Variants in EMB observed in about 807,000 individuals in gnomAD.
The protein encoded by EMB is embigin, also known as embigin homolog.
In EMB, 31 loss-of-function variants were observed where a neutral mutation model predicts 41.4. The observed-to-expected ratio is 0.75, with a 90% CI of 0.56 to 1.01. EMB has a LOEUF of 1.01. Among genes scored for constraint, EMB ranks in the 50% least tolerant of loss-of-function variants. EMB has a pLI of 0.00. For synonymous variants in EMB, 137 were observed against 140.4 expected (o/e 0.98, Z 0.17); for missense variants, 379 against 388.3 (o/e 0.98, Z 0.20).
chr5:50,435,842 ATAT>A (rs1472489730), intron 1 of EMB, among the ~76,000 whole-genome samples: 1 of 152,010 alleles, frequency 6.6e-6, no homozygotes, highest in Non-Finnish European at 1.5e-5. Context: ...CAATCCACTA[ATAT>A]TATTATTTAT....
intron 1 of EMB, among the ~76,000 whole-genome samples, chr5:50,430,583 G>A (rs1745704016): frequency 8.0e-6 from 1 of 125,100 alleles, no homozygotes; most frequent in South Asian, 2.6e-4. Flanking sequence ...CATAATAGTA[G>A]GGGTTTGGGT....
chr5:50,405,539 A>T (rs537090389), intron 5 of EMB, among the ~76,000 whole-genome samples, 186 bp downstream of exon 5: 12 of 152,122 alleles, frequency 7.9e-5, no homozygotes, highest in Non-Finnish European at 1.6e-4. Flanking sequence ...TATAACGTAA[A>T]CATGCCAAAA....
At chr5:50,416,498 C>T (rs1745433864) in intron 2 of EMB, among the ~76,000 whole-genome samples, 1 of 152,114 alleles carries the variant, frequency 6.6e-6, no homozygotes, top group African/African-American at 2.4e-5. Flanking sequence ...TAAAAGTCTG[C>T]TTTGTTCTTT....
chr5:50,411,120 A>G (rs535194795), intron 3 of EMB, 77 bp downstream of exon 3: 22 of 1,338,224 alleles, frequency 1.6e-5, no homozygotes, highest in Non-Finnish European at 2.2e-5. Context: ...TGCAGAGGAA[A>G]GAATGCTCAG....
chr5:50,430,956 G>A (rs1258361221), intron 1 of EMB, among the ~76,000 whole-genome samples: 1 of 152,160 alleles, frequency 6.6e-6, no homozygotes, highest in Non-Finnish European at 1.5e-5. Context: ...TTGAAGGATA[G>A]GAAAGGAAGG....
intron 1 of EMB, among the ~76,000 whole-genome samples, chr5:50,437,271 A>AAAAATT (rs1745819686): frequency 6.6e-6 from 1 of 152,174 alleles, no homozygotes; most frequent in African/African-American, 2.4e-5. Flanking sequence ...ACCCTGTCTC[A>AAAAATT]AAAATTAAAT....
At chr5:50,414,328 C>G (rs1465306441) in intron 2 of EMB, among the ~76,000 whole-genome samples, 1 of 151,540 alleles carries the variant, frequency 6.6e-6, no homozygotes, top group Admixed American at 6.6e-5. Context: ...CATTCCAGAC[C>G]AGCCTGGCCA....
At chr5:50,424,682 T>C (rs1021754596) in intron 2 of EMB, among the ~76,000 whole-genome samples, 15 of 152,142 alleles carry the variant, frequency 9.9e-5, no homozygotes, top group Admixed American at 3.9e-4. Context: ...GGGGAAAATT[T>C]TGTACCCCAG....
chr5:50,425,954 G>A (rs1745604551), intron 2 of EMB, among the ~76,000 whole-genome samples: 1 of 152,112 alleles, frequency 6.6e-6, no homozygotes, highest in African/African-American at 2.4e-5. Flanking sequence ...AAAGTGCTGG[G>A]ATTGCAGGCA....
chr5:50,402,740 TA>T (rs1393458195), intron 6 of EMB, among the ~76,000 whole-genome samples: 1 of 151,784 alleles, frequency 6.6e-6, no homozygotes, highest in Non-Finnish European at 1.5e-5. Flanking sequence ...GTTAATAAAA[TA>T]TTTTTTTAAA....
At chr5:50,432,808 G>A (rs1745742802) in intron 1 of EMB, among the ~76,000 whole-genome samples, 1 of 151,560 alleles carries the variant, frequency 6.6e-6, no homozygotes, top group African/African-American at 2.4e-5. Flanking sequence ...GCCAGGCGCG[G>A]TGGCTCACGC....
chr5:50,420,995 G>T (rs1040474264), intron 2 of EMB, among the ~76,000 whole-genome samples: 1 of 151,894 alleles, frequency 6.6e-6, no homozygotes, highest in African/African-American at 2.4e-5. Flanking sequence ...GATATAGAGG[G>T]GATTTAAAAT....
chr5:50,428,105 T>C, intron 2 of EMB, 39 bp downstream of exon 2: 5 of 1,478,688 alleles, frequency 3.4e-6, no homozygotes, highest in Non-Finnish European at 4.7e-6. Context: ...CTTAAACCCT[T>C]TTTTTCGAAT....
At chr5:50,412,226 T>C (rs948910055) in intron 2 of EMB, among the ~76,000 whole-genome samples, 2 of 135,064 alleles carry the variant, frequency 1.5e-5, no homozygotes, top group African/African-American at 6.2e-5. Context: ...TTGAAAACAA[T>C]ACACACACAC....
At position 50,399,279 on chromosome 5, in the gene EMB, G is replaced by T. The variant is rs1283657145; in HGVS notation, c.978C>A (p.Gly326=). 4.4e-6 allele frequency: 7 copies of T among 1,607,394 alleles called. No individual in the cohort carries two copies. Among genetic ancestry groups the T allele is most frequent in the Admixed American group, 1.7e-5 (1 of 59,364 alleles). ...VPRHRKNESL[G]Q ...TCGACATGATGTTTTGTATTCACTGGCCCAGAGACTCCTGAGTTAAATAAA... is the reference window on the plus strand; with the variant it reads ...TCGACATGATGTTTTGTATTCACTGTCCCAGAGACTCCTGAGTTAAATAAA... Residue 326 remains glycine (G), a synonymous_variant, in exon 9 of 9, where the codon GGC becomes GGA. Coordinates refer to ENST00000303221, the MANE Select transcript of EMB (RefSeq NM_198449.3).
chr5:50,412,064 A>T (rs1376338043), intron 2 of EMB: 1 of 152,076 alleles, frequency 6.6e-6, no homozygotes, highest in African/African-American at 2.4e-5. Flanking sequence ...TTATCATAAG[A>T]ACACTTAACA....
chr5:50,411,643 C>CCTG, intron 2 of EMB: 1 of 245,890 alleles, frequency 4.1e-6, no homozygotes, highest in South Asian at 9.5e-5. Context: ...AAGCTCTATA[C>CCTG]TGAGCAGAAT....
intron 1 of EMB, among the ~76,000 whole-genome samples, chr5:50,440,656 G>A (rs1222191888): frequency 1.3e-5 from 2 of 151,700 alleles, no homozygotes; most frequent in Admixed American, 6.6e-5. Flanking sequence ...TTGGGGAAAT[G>A]TGGCTTTCAA....
chr5:50,434,125 C>T (rs921722390), intron 1 of EMB, among the ~76,000 whole-genome samples: 18 of 152,152 alleles, frequency 1.2e-4, no homozygotes, highest in Non-Finnish European at 2.9e-5. Context: ...TTCACAGGTA[C>T]CCAAGATCAG....
Sources: gnomAD v4.1 joint callset for allele counts (sites outside exome capture counted in the v4.1 genomes callset) on GRCh38, gnomAD v4.1.1 for gene constraint, MANE v1.5 for transcripts, NCBI Gene and HGNC (gene_info 2026-07-23, HGNC 2026-07-21) for gene names.